SOS2: variants seen among roughly 807,000 people sequenced by gnomAD.
SOS2 encodes son of sevenless homolog 2.
Under a neutral mutation model 148.2 loss-of-function variants are expected in SOS2, and 65 were observed. The ratio of observed to expected loss-of-function variants is 0.44; its 90% confidence interval spans 0.36 to 0.54. The LOEUF (loss-of-function observed/expected upper bound fraction) is 0.54, where lower values mean the gene tolerates loss of function less well. SOS2 is among the 20% of genes least tolerant of loss of function. The probability of loss-of-function intolerance (pLI) is 0.00; values close to 1 mark genes in which losing one functional copy is unlikely to be tolerated. For missense variants in SOS2, 1,341 were observed against 1,590.2 expected, an observed-to-expected ratio of 0.84 and a Z score of 2.67; for synonymous variants, 539 against 537.1, an observed-to-expected ratio of 1.00 and a Z score of -0.05.
rs756607027 is a variant in SOS2 at position 50,118,841 on chromosome 14, A to G, written c.3502T>C (p.Ser1168Pro). The G allele has an allele frequency of 1.0e-5, 14 of 1,376,438 alleles. No individual in the cohort carries two copies. Among genetic ancestry groups the G allele is most frequent in the African/African-American group, 1.6e-5 (1 of 60,982 alleles). 85.3% of individuals were successfully genotyped at this position (1,376,438 alleles called of 1,614,324 possible). ...DASNSKGNMK[S>P]DDDPPAIPPR... ...GGAATAGCAGGAGGATCATCATCAG[A>G]TTTCATATTTCCCTCAAAAAAAAAA... The change falls in exon 23 of 23, where the codon TCT (serine) becomes CCT (proline). Residue 1168 changes from serine (S) to proline (P), a missense_variant. This residue lies in a region of SOS2 where 354 missense variants were observed against 347.7 expected (regional missense o/e 1.02). Transcript: ENST00000216373.
Position 50,159,595 on chromosome 14 carries a change from T to C in SOS2, c.1688A>G (p.Gln563Arg). The C allele has an allele frequency of 6.2e-7, 1 of 1,613,994 alleles. No individual in the cohort carries two copies. The highest frequency in any genetic ancestry group is 8.5e-7 in the Non-Finnish European group (1 of 1,179,910). Residue 563 changes from glutamine to arginine, a missense_variant, in exon 10 of 23, where the codon CAA becomes CGA. Physicochemically the swap from Gln to Arg is conservative, Grantham distance 43. Around this residue, in one of 4 missense-constraint regions of SOS2, gnomAD observed 574 missense variants for 711.1 expected, o/e 0.81. Transcript: ENST00000216373. ...TTCAGGACTTGGTAATCTCAGTGGTTGCTCATTTTCTTCTTTCAATAATAC... is the reference window on the plus strand; with the variant it reads ...TTCAGGACTTGGTAATCTCAGTGGTCGCTCATTTTCTTCTTTCAATAATAC... Reference protein sequence around the residue: ...DSVLLKEENEQPLRLPSPEVY... With the variant: ...DSVLLKEENERPLRLPSPEVY...
Position 50,199,868 on chromosome 14 carries a change from T to G in SOS2, c.346-13A>C, listed in dbSNP as rs754502787. Reference sequence around the variant, plus strand: ...ACCCTAATACTTCCTGTGAAAAGAATAAATAATTTAATTGCAAAATGTAGC... The same window carrying G: ...ACCCTAATACTTCCTGTGAAAAGAAGAAATAATTTAATTGCAAAATGTAGC... On this transcript the variant is annotated splice_polypyrimidine_tract_variant and intron_variant, in intron 3 of 22. Transcript: ENST00000216373. The G allele has an allele frequency of 6.6e-7, 1 of 1,515,692 alleles. No homozygotes were observed. Among genetic ancestry groups the G allele is most frequent in the Non-Finnish European group, 9.0e-7 (1 of 1,115,388 alleles). 93.9% of individuals were successfully genotyped at this position (1,515,692 alleles called of 1,614,324 possible). A position where few individuals can be genotyped will look rare whatever the true frequency, so the allele number is the denominator to read the frequency against.
At position 50,160,061 on chromosome 14, in the gene SOS2, G is replaced by A. The variant is rs1884944019; in HGVS notation, c.1222C>T (p.His408Tyr). The change falls in exon 10 of 23, where the codon CAC (histidine) becomes TAC (tyrosine). Residue 408 changes from histidine (H) to tyrosine (Y), a missense_variant. Coordinates refer to ENST00000216373, the MANE Select transcript of SOS2 (RefSeq NM_006939.4). ...PGDPVCPFYS[H>Y]QLRSKHLAIK... ...GCCAGGTGTTTGCTTCTTAATTGGT[G>A]ACTATAAAAAGGGCAAACAGGATCT... is the stretch of plus-strand genomic sequence containing the variant. The A allele has an allele frequency of 3.7e-6, 6 of 1,612,814 alleles. No homozygotes were observed. The highest frequency in any genetic ancestry group is 1.1e-5 in the South Asian group (1 of 91,018).
At position 50,208,878 on chromosome 14, in the gene SOS2, G is replaced by A. The variant is rs995249810; in HGVS notation, c.88-4469C>T. Among the ~76,000 whole-genome samples the A allele has an allele frequency of 5.3e-5, 8 of 152,170 alleles. No homozygotes were observed. In the South Asian group the frequency reaches 6.2e-4, roughly 12 times the overall value. On this transcript the variant is annotated intron_variant, in intron 1 of 22. Transcript: ENST00000216373. ...AGATCATCTGACTGCCCATTGTGAT[G>A]GTTAATTTTGGGGTGCCCATATAAC...
intron 8 of SOS2, among the ~76,000 whole-genome samples, chr14:50,172,790 C>T (rs1271362264): frequency 6.6e-6 from 1 of 152,112 alleles, no homozygotes; most frequent in Non-Finnish European, 1.5e-5. Context: ...TAATTCCTTA[C>T]ACAATTTCCC....
intron 4 of SOS2, among the ~76,000 whole-genome samples, chr14:50,199,273 G>T (rs78151442): frequency 0.013 from 2,041 of 152,244 alleles, 38 homozygotes; most frequent in African/African-American, 0.045. Context: ...ACAAAAAAAT[G>T]ATCAGAGGGG....
chr14:50,137,916 T>C (rs909023165), intron 18 of SOS2, among the ~76,000 whole-genome samples: 1 of 152,196 alleles, frequency 6.6e-6, no homozygotes, highest in Non-Finnish European at 1.5e-5. Context: ...CTCGGCTCAC[T>C]GCAGCCTCCA....
At chr14:50,193,872 G>A (rs1266747442) in intron 4 of SOS2, among the ~76,000 whole-genome samples, 1 of 152,048 alleles carries the variant, frequency 6.6e-6, no homozygotes, top group African/African-American at 2.4e-5. Context: ...AGCCTCCTGA[G>A]TAGCTGGGAT....
At chr14:50,221,544 T>C (rs1887201359) in intron 1 of SOS2, among the ~76,000 whole-genome samples, 1 of 152,254 alleles carries the variant, frequency 6.6e-6, no homozygotes, top group South Asian at 2.1e-4. Context: ...AAATAAATCC[T>C]AGACACTAAA....
chr14:50,205,305 G>A (rs902671625), intron 1 of SOS2, among the ~76,000 whole-genome samples: 1 of 152,198 alleles, frequency 6.6e-6, no homozygotes, highest in East Asian at 1.9e-4. Context: ...TCCCACCTCA[G>A]CTTCCCAAAG....
chr14:50,118,898 T>TA (rs752188461), intron 22 of SOS2, 45 bp from the exon 23 acceptor site: 3,802 of 1,086,330 alleles, frequency 3.5e-3, no homozygotes, highest in Non-Finnish European at 4.0e-3. Context: ...TCTGAAAAAT[T>TA]AAAAAAAAAA....
chr14:50,231,723 C>T (rs1039210234), upstream of SOS2, among the ~76,000 whole-genome samples: 14 of 152,074 alleles, frequency 9.2e-5, no homozygotes, highest in Admixed American at 5.9e-4. Context: ...ATCGCCTCCT[C>T]CCCGCCCTCC....
At chr14:50,177,379 T>A (rs1176220011) in intron 7 of SOS2, among the ~76,000 whole-genome samples, 1 of 152,202 alleles carries the variant, frequency 6.6e-6, no homozygotes, top group Non-Finnish European at 1.5e-5. Context: ...TTGTTTTTAG[T>A]TTTATTAAGG....
In SOS2 at chr14:50,118,784, G is replaced by A; in HGVS notation, c.3559C>T (p.Pro1187Ser). Residue 1187 changes from proline (P) to serine (S), a missense_variant, in exon 23 of 23, where the codon CCC (proline) becomes TCC (serine). This residue lies in a region of SOS2 where 354 missense variants were observed against 347.7 expected (regional missense o/e 1.02). Coordinates refer to ENST00000216373, the MANE Select transcript of SOS2 (RefSeq NM_006939.4). ...PRQPPPPKVKPRVPVPTGAFD... is the reference protein window; with the variant it reads ...PRQPPPPKVKSRVPVPTGAFD... The stretch of plus-strand genomic sequence containing the variant: ...GCACCAGTAGGAACAGGAACTCTGG[G>A]TTTTACCTTTGGAGGAGGAGGCTGT... 1 of 1,588,862 alleles carries A rather than the reference G, an allele frequency of 6.3e-7. No homozygotes were observed. The highest frequency in any genetic ancestry group is 8.6e-7 in the Non-Finnish European group (1 of 1,163,854).
intron 8 of SOS2, among the ~76,000 whole-genome samples, chr14:50,170,746 A>G (rs1268417577): frequency 1.3e-5 from 2 of 151,836 alleles, no homozygotes; most frequent in Non-Finnish European, 2.9e-5. Flanking sequence ...ATTACTAGTC[A>G]TTAGGAAAAT....
chr14:50,195,081 T>A (rs1181754044), intron 4 of SOS2, among the ~76,000 whole-genome samples: 4 of 152,124 alleles, frequency 2.6e-5, no homozygotes, highest in Admixed American at 2.6e-4. Context: ...AAATTCACGT[T>A]CATTCTTACA....
At chr14:50,231,163 G>T in intron 1 of SOS2, 34 bp downstream of exon 1, 1 of 1,291,980 alleles carries the variant, frequency 7.7e-7, no homozygotes, top group Non-Finnish European at 1.0e-6. Flanking sequence ...GGGGCCACGG[G>T]CCACCCGCCG....
intron 4 of SOS2, among the ~76,000 whole-genome samples, chr14:50,189,265 T>C (rs979726376): frequency 5.1e-5 from 7 of 136,102 alleles, no homozygotes; most frequent in African/African-American, 1.7e-4. Context: ...TGGTGAAATA[T>C]GTACTAATAC....
At chr14:50,214,806 C>G (rs1203420341) in intron 1 of SOS2, among the ~76,000 whole-genome samples, 1 of 150,984 alleles carries the variant, frequency 6.6e-6, no homozygotes, top group African/African-American at 2.4e-5. Context: ...TCCTCAGGCC[C>G]CCCTCCCTGA....
Sources: allele counts gnomAD v4.1 joint callset (sites outside exome capture counted in the v4.1 genomes callset), GRCh38; gene constraint gnomAD v4.1.1; regional missense constraint gnomAD v4.1.1; transcripts MANE v1.5; gene names NCBI Gene and HGNC (gene_info 2026-07-23, HGNC 2026-07-21).